Variants in NPR1 observed in about 807,000 individuals in gnomAD.
NPR1 encodes the protein natriuretic peptide receptor 1.
A neutral mutation model predicts 116.9 loss-of-function variants in NPR1; 57 were observed. The observed-to-expected ratio is 0.49, with a 90% CI of 0.39 to 0.61. NPR1 has a LOEUF of 0.61. Among genes scored for constraint, NPR1 ranks in the 20% least tolerant of loss-of-function variants. NPR1 has a pLI of 0.00. For missense variants in NPR1, 1,096 were observed against 1,409.8 expected (o/e 0.78, Z 3.56); for synonymous variants, 555 against 601.6 (o/e 0.92, Z 1.13).
chr1:153,683,245 G>A, intron 5 of NPR1, 131 bp from the exon 6 acceptor site: 4 of 1,039,272 alleles, frequency 3.8e-6, no homozygotes, highest in Non-Finnish European at 5.5e-6. Flanking sequence ...GACTTGGTAA[G>A]CAGGTGACAA....
At position 153,689,583 on chromosome 1, in the gene NPR1, A is replaced by G. The variant is rs1670033629; in HGVS notation, c.2757+62A>G. On this transcript the variant is annotated intron_variant, in intron 18 of 21. Transcript: ENST00000368680. The surrounding 1 kb of genome is among the most constrained non-coding windows in gnomAD (Gnocchi z 5.1). ...ACATGGACAAGGTCAGAAAAAGATGAGGGGTAGGCAGAATGATGTGGAGTC... is the reference window on the plus strand; with the variant it reads ...ACATGGACAAGGTCAGAAAAAGATGGGGGGTAGGCAGAATGATGTGGAGTC... The G allele has an allele frequency of 2.0e-6, 3 of 1,491,232 alleles. No individual in the cohort carries two copies. The South Asian group carries it at 3.4e-5, about 17-fold the overall frequency. 92.4% of individuals were successfully genotyped at this position (1,491,232 alleles called of 1,614,324 possible). A position where few individuals can be genotyped will look rare whatever the true frequency, so the allele number is the denominator to read the frequency against.
Position 153,688,640 on chromosome 1 carries a change from G to A in NPR1, c.2418-313G>A, listed in dbSNP as rs142194169. On this transcript the variant is annotated intron_variant, in intron 15 of 21. Coordinates refer to ENST00000368680, the MANE Select transcript of NPR1 (RefSeq NM_000906.4). ...GTTCCTCCAGACACACCCTTCTGTGGACATCACTTTGTCCGCAATTGACCC... is the reference window on the plus strand; with the variant it reads ...GTTCCTCCAGACACACCCTTCTGTGAACATCACTTTGTCCGCAATTGACCC... The A allele has an allele frequency of 5.1e-4, 237 of 468,548 alleles. 5 individuals carry two copies. The East Asian group carries it at 8.7e-3, about 17-fold the overall frequency. 29.0% of individuals were successfully genotyped at this position (468,548 alleles called of 1,614,324 possible). A position where few individuals can be genotyped will look rare whatever the true frequency, so the allele number is the denominator to read the frequency against.
rs1024987285 is a variant in NPR1 at position 153,693,921 on chromosome 1, G to A, written c.*507G>A. 5 of 397,402 alleles carry A rather than the reference G, an allele frequency of 1.3e-5. No homozygotes were observed. Among genetic ancestry groups the A allele is most frequent in the South Asian group, 1.4e-4 (1 of 7,038 alleles). The allele number at this position is 397,402 out of a possible 1,614,324, so 24.6% of individuals were successfully genotyped here. On this transcript the variant is annotated 3_prime_UTR_variant, in exon 22 of 22. Transcript: ENST00000368680. The stretch of plus-strand genomic sequence containing the variant: ...GTGCACAGGGGAGAAGAGGGGTGGC[G>A]CAGAAGGGTTGGGGGCCTGTATGCC...
chr1:153,687,247 C>G lies in NPR1; in HGVS notation c.1983C>G (p.Leu661=). ...HNGAICSHGN[L]KSSNCVVDGR... ...GGGCTATCTGTTCCCATGGGAACCT[C>G]AAGTCATCCAACTGCGTGGTAGATG... Residue 661 remains leucine (L), a synonymous_variant, in exon 13 of 22, where the codon CTC becomes CTG. Transcript: ENST00000368680. 3 of 1,614,104 alleles carry G rather than the reference C, an allele frequency of 1.9e-6. No individual in the cohort carries two copies. The highest frequency in any genetic ancestry group is 3.3e-5 in the Admixed American group (2 of 60,020).
rs1669983998 is a variant in NPR1 at position 153,688,106 on chromosome 1, G to GGCCA, written c.2302_2303insGCCA (p.Ala768GlyfsTer20). The GGCCA allele has an allele frequency of 6.2e-7, 1 of 1,613,420 alleles. No individual in the cohort carries two copies. The highest frequency in any genetic ancestry group is 1.1e-5 in the South Asian group (1 of 91,072). ...GCAGCCCCCCTTCCGGCCCTCCCTG[G>GGCCA]CCCTGCAGAGTCACCTGGAGGAGTT... On this transcript the variant is annotated frameshift_variant, in exon 15 of 22. Transcript: ENST00000368680. LOFTEE classifies it high-confidence loss of function.
At position 153,693,608 on chromosome 1, in the gene NPR1, C is replaced by T; in HGVS notation, c.*194C>T. Reference sequence around the variant, plus strand: ...GGACTGGCATGGGGGGATCTCAGAGCTTACAGGCTGAGCCAAGCCCACGGC... The same window carrying T: ...GGACTGGCATGGGGGGATCTCAGAGTTTACAGGCTGAGCCAAGCCCACGGC... On this transcript the variant is annotated 3_prime_UTR_variant, in exon 22 of 22. Coordinates refer to ENST00000368680, the MANE Select transcript of NPR1 (RefSeq NM_000906.4). The T allele has an allele frequency of 5.7e-6, 3 of 526,250 alleles. No homozygotes were observed. The highest frequency in any genetic ancestry group is 9.9e-6 in the Non-Finnish European group (3 of 303,704). The allele number at this position is 526,250 out of a possible 1,614,324, so 32.6% of individuals were successfully genotyped here. A position where few individuals can be genotyped will look rare whatever the true frequency, so the allele number is the denominator to read the frequency against.
In NPR1 at chr1:153,685,010, C is replaced by T. The variant is rs757397182; in HGVS notation, c.1531C>T (p.Arg511Cys). Residue 511 changes from arginine to cysteine, a missense_variant, in exon 8 of 22, where the codon CGC becomes TGC. Transcript: ENST00000368680. The part of the protein sequence containing the change: ...KELASELWRV[R>C]WEDVEPSSLE... ...ACTGGCCTCGGAGCTGTGGCGGGTG[C>T]GCTGGGAGGACGTTGAGCCCAGTAG... is the stretch of plus-strand genomic sequence containing the variant. 1.2e-5 allele frequency: 19 copies of T among 1,613,394 alleles called. No homozygotes were observed. The highest frequency in any genetic ancestry group is 2.2e-5 in the East Asian group (1 of 44,876).
Position 153,686,741 on chromosome 1 carries a change from G to C in NPR1, c.1854G>C (p.Gly618=). 1 of 1,613,698 alleles carries C rather than the reference G, an allele frequency of 6.2e-7. No individual in the cohort carries two copies. The highest frequency in any genetic ancestry group is 8.5e-7 in the Non-Finnish European group (1 of 1,179,706). The change falls in exon 11 of 22, where the codon GGG becomes GGC. Residue 618 remains glycine, a synonymous_variant. Transcript: ENST00000368680. The part of the protein sequence containing the change: ...ICILTEYCPR[G]SLQDILENES... The stretch of plus-strand genomic sequence containing the variant: ...TCCTCACAGAGTACTGTCCCCGTGG[G>C]AGCCTGCAGGTGAGGGGGACAAGGG...
intron 21 of NPR1, 38 bp from the exon 22 acceptor site, chr1:153,693,314 T>A: frequency 6.2e-7 from 1 of 1,608,880 alleles, no homozygotes; most frequent in African/African-American, 1.3e-5. Context: ...GGAAAGGGCA[T>A]GTGCCACTCC....
Position 153,690,283 on chromosome 1 carries a change from G to C in NPR1, c.2933-1G>C. The stretch of plus-strand genomic sequence containing the variant: ...TCTGCTCCTTCCCTTGCTCCTCCCA[G>C]GACCTGTGTGTGCTGGAGTGGTGGG... On this transcript the variant is annotated splice_acceptor_variant, in intron 19 of 21. Transcript: ENST00000368680. LOFTEE classifies it high-confidence loss of function. 1 of 1,555,584 alleles carries C rather than the reference G, an allele frequency of 6.4e-7. No individual in the cohort carries two copies. The highest frequency in any genetic ancestry group is 8.7e-7 in the Non-Finnish European group (1 of 1,148,494).
chr1:153,688,481 G>A (rs1406137825), intron 15 of NPR1, among the ~76,000 whole-genome samples: 1 of 152,008 alleles, frequency 6.6e-6, no homozygotes, highest in Non-Finnish European at 1.5e-5. Flanking sequence ...CACTCGCCTT[G>A]CTGGCCTCTA....
chr1:153,684,329 T>C (rs1669865787), intron 7 of NPR1, among the ~76,000 whole-genome samples: 1 of 150,474 alleles, frequency 6.6e-6, no homozygotes, highest in Non-Finnish European at 1.5e-5. Flanking sequence ...GAAAAATCAC[T>C]GCTGGTTGAG....
chr1:153,685,231 C>A, intron 8 of NPR1, 147 bp downstream of exon 8: 2 of 1,106,864 alleles, frequency 1.8e-6, no homozygotes, highest in Non-Finnish European at 2.5e-6. Flanking sequence ...TAGTCCCTCT[C>A]CGAGACTGTC....
At chr1:153,690,664 G>A (rs1036699758) in intron 20 of NPR1, among the ~76,000 whole-genome samples, 10 of 152,018 alleles carry the variant, frequency 6.6e-5, no homozygotes, top group South Asian at 2.1e-4. Context: ...TCTGTGGGCC[G>A]GGCGTGGTGA....
At chr1:153,687,883 T>C in intron 14 of NPR1, 94 bp downstream of exon 14, 1 of 1,342,092 alleles carries the variant, frequency 7.5e-7, no homozygotes, top group Non-Finnish European at 1.0e-6. Flanking sequence ...CACACCTTCC[T>C]TCTGTAATGG....
In NPR1 at chr1:153,678,799, C is replaced by G; in HGVS notation, c.-310C>G. 3.0e-6 allele frequency: 1 copy of G among 331,826 alleles called. No individual in the cohort carries two copies. The highest frequency in any genetic ancestry group is 5.3e-6 in the Non-Finnish European group (1 of 188,872). The allele number at this position is 331,826 out of a possible 1,614,324, so 20.6% of individuals were successfully genotyped here. A position where few individuals can be genotyped will look rare whatever the true frequency, so the allele number is the denominator to read the frequency against. On this transcript the variant is annotated 5_prime_UTR_variant, in exon 1 of 22. Transcript: ENST00000368680. This position sits in a 1 kb window ranked among gnomAD's most constrained non-coding sequence, Gnocchi z 5.8. ...AAGCGCTCACTCGCACCCTTTCTCT[C>G]TCTCTCTCTCTCTCTCTAACACGCA...
Position 153,685,827 on chromosome 1 carries a change from C to G in NPR1, c.1627C>G (p.Leu543Val). The G allele has an allele frequency of 1.2e-6, 2 of 1,614,206 alleles. No individual in the cohort carries two copies. The highest frequency in any genetic ancestry group is 1.3e-5 in the African/African-American group (1 of 75,038). The change falls in exon 9 of 22, where the codon CTG becomes GTG. Residue 543 changes from leucine to valine, a missense_variant. Leu to Val is a conservative substitution (Grantham distance 32). Coordinates refer to ENST00000368680, the MANE Select transcript of NPR1 (RefSeq NM_000906.4). ...TCAGAGAGGCTCCAATTACGGCTCC[C>G]TGCTAACCACAGAGGGCCAGTTCCA... ...LSGRGSNYGS[L>V]LTTEGQFQVF...
In NPR1 at chr1:153,680,712, G is replaced by C; in HGVS notation, c.921+12G>C. ...GCCAGGCCTTTCAGGTGAGTACCTA[G>C]GTTTGAAGCCCAGGCTGTCTCAGCT... On this transcript the variant is annotated intron_variant, in intron 2 of 21. Coordinates refer to ENST00000368680, the MANE Select transcript of NPR1 (RefSeq NM_000906.4). 1 of 1,603,340 alleles carries C rather than the reference G, an allele frequency of 6.2e-7. No individual in the cohort carries two copies.
chr1:153,686,817 A>G, intron 11 of NPR1, 67 bp downstream of exon 11: 1 of 1,453,738 alleles, frequency 6.9e-7, no homozygotes, highest in Non-Finnish European at 9.6e-7. Flanking sequence ...ACTGGCCATA[A>G]GACCCCAGGC....
Sources: allele counts gnomAD v4.1 joint callset (sites outside exome capture counted in the v4.1 genomes callset), GRCh38; gene constraint gnomAD v4.1.1; non-coding constraint Gnocchi (gnomAD v3.1); transcripts MANE v1.5; gene names NCBI Gene and HGNC (gene_info 2026-07-23, HGNC 2026-07-21).